The following REC114 variants were observed in gnomAD, a reference collection of about 807,000 sequenced individuals.
REC114 encodes the protein REC114 meiotic recombination protein, also known as meiotic recombination protein REC114.
In REC114, 27 loss-of-function variants were observed where a neutral mutation model predicts 31.3. That is an observed-to-expected ratio of 0.86 (90% CI 0.64 to 1.19). The LOEUF (loss-of-function observed/expected upper bound fraction) is 1.19. Ranked by LOEUF, REC114 falls within the 50% of genes most tolerant of loss-of-function variation. The pLI is 0.00. For missense variants in REC114, 344 were observed against 326.9 expected (o/e 1.05, Z -0.40); for synonymous variants, 134 against 127.7 (o/e 1.05, Z -0.33).
chr15:73,526,653 C>T (rs1894012618), intron 2 of REC114, among the ~76,000 whole-genome samples: 2 of 152,136 alleles, frequency 1.3e-5, no homozygotes, highest in South Asian at 4.1e-4. Flanking sequence ...CATGAAATAG[C>T]TTCTTCAATA....
chr15:73,557,682 G>GGT (rs779225968), intron 5 of REC114, among the ~76,000 whole-genome samples: 9 of 152,162 alleles, frequency 5.9e-5, no homozygotes, highest in Non-Finnish European at 1.3e-4. Context: ...AGCAAGGCAG[G>GGT]GTGTGATGTC....
intron 1 of REC114, among the ~76,000 whole-genome samples, chr15:73,446,293 A>G (rs567562508): frequency 1.3e-5 from 2 of 152,282 alleles, no homozygotes; most frequent in South Asian, 4.1e-4. Flanking sequence ...ACACATGCAT[A>G]CATGTTTGTG....
At chr15:73,530,220 G>C (rs1190648914) in intron 2 of REC114, among the ~76,000 whole-genome samples, 1 of 152,148 alleles carries the variant, frequency 6.6e-6, no homozygotes, top group Non-Finnish European at 1.5e-5. Flanking sequence ...GTATGTTTCT[G>C]AATATTGCAG....
intron 2 of REC114, among the ~76,000 whole-genome samples, chr15:73,538,455 C>CTTTT (rs34642401): frequency 2.9e-4 from 36 of 124,074 alleles, no homozygotes; most frequent in Non-Finnish European, 4.1e-4. Flanking sequence ...AATTCTATTT[C>CTTTT]TTTTTTTTTT....
intron 2 of REC114, among the ~76,000 whole-genome samples, chr15:73,485,304 G>A (rs974324084): frequency 6.6e-6 from 1 of 152,020 alleles, no homozygotes; most frequent in African/African-American, 2.4e-5. Context: ...GGATGGTCTC[G>A]ATCTCTTGAC....
chr15:73,463,157 T>C (rs559385766), intron 1 of REC114, among the ~76,000 whole-genome samples: 15 of 152,138 alleles, frequency 9.9e-5, no homozygotes, highest in Non-Finnish European at 1.8e-4. Flanking sequence ...GGCCAAAAAT[T>C]GTGATTGATT....
intron 2 of REC114, among the ~76,000 whole-genome samples, chr15:73,494,376 C>T (rs911201559): frequency 6.6e-6 from 1 of 151,646 alleles, no homozygotes; most frequent in Admixed American, 6.6e-5. Context: ...CCTGTAGTCC[C>T]AGCTACTTGG....
At chr15:73,493,893 G>A (rs1031465484) in intron 2 of REC114, among the ~76,000 whole-genome samples, 2 of 152,094 alleles carry the variant, frequency 1.3e-5, no homozygotes, top group Non-Finnish European at 2.9e-5. Context: ...ACATTCTAGG[G>A]CACAGTTATT....
At chr15:73,537,232 AG>A (rs1275535893) in intron 2 of REC114, among the ~76,000 whole-genome samples, 1 of 152,206 alleles carries the variant, frequency 6.6e-6, no homozygotes, top group Non-Finnish European at 1.5e-5. Context: ...TGGAATGTTG[AG>A]GGAAAGTACA....
intron 2 of REC114, among the ~76,000 whole-genome samples, chr15:73,514,119 G>C (rs990202581): frequency 2.0e-5 from 3 of 152,142 alleles, no homozygotes; most frequent in African/African-American, 4.8e-5. Context: ...AGGACCCTCC[G>C]AGCCAGGTGT....
chr15:73,487,870 A>AT (rs111728070), intron 2 of REC114, among the ~76,000 whole-genome samples: 14 of 151,180 alleles, frequency 9.3e-5, no homozygotes, highest in South Asian at 6.3e-4. Flanking sequence ...ACCATGTGGT[A>AT]TTTTTTTTTG....
At chr15:73,523,032 G>C (rs965207441) in intron 2 of REC114, among the ~76,000 whole-genome samples, 1 of 152,034 alleles carries the variant, frequency 6.6e-6, no homozygotes, top group Non-Finnish European at 1.5e-5. Context: ...ATTATGTTGA[G>C]TATCTTTTAA....
chr15:73,545,198 C>T (rs1566948987), intron 3 of REC114, among the ~76,000 whole-genome samples: 1 of 152,154 alleles, frequency 6.6e-6, no homozygotes. Flanking sequence ...TGAAGGAGGG[C>T]AGGTGCAACT....
At chr15:73,534,031 C>T (rs1158443659) in intron 2 of REC114, among the ~76,000 whole-genome samples, 1 of 126,320 alleles carries the variant, frequency 7.9e-6, no homozygotes, top group Non-Finnish European at 1.7e-5. Flanking sequence ...GGGACGCATT[C>T]AAAGCAGTGT....
chr15:73,446,013 G>A (rs2151249229), intron 1 of REC114, among the ~76,000 whole-genome samples: 1 of 152,302 alleles, frequency 6.6e-6, no homozygotes, highest in South Asian at 2.1e-4. Context: ...TCTGTGAAGT[G>A]CAATAAAGCA....
At chr15:73,538,894 T>C (rs1380205239) in intron 2 of REC114, among the ~76,000 whole-genome samples, 4 of 151,268 alleles carry the variant, frequency 2.6e-5, no homozygotes, top group East Asian at 3.9e-4. Context: ...TCCAATCTTA[T>C]GTTTAAAAAA....
At chr15:73,485,896 T>A (rs1387665442) in intron 2 of REC114, among the ~76,000 whole-genome samples, 1 of 152,230 alleles carries the variant, frequency 6.6e-6, no homozygotes, top group Admixed American at 6.5e-5. Context: ...AAAACCACTG[T>A]GATCAATTTA....
rs759379156 is a variant in REC114, at chr15:73,556,353, G to A, written c.598G>A (p.Ala200Thr). 2.9e-5 allele frequency: 46 copies of A among 1,613,630 alleles called. No homozygotes were observed. The highest frequency in any genetic ancestry group is 1.1e-4 in the South Asian group (10 of 91,066). The part of the protein sequence containing the change: ...QQVCVTAGTG[A>T]PDGRTSLTQL... The stretch of plus-strand genomic sequence containing the variant: ...AGTGTGTGTAACAGCGGGCACAGGC[G>A]CTCCAGACGGAAGGACCTCACTGAC... The change falls in exon 5 of 6, where the codon GCT becomes ACT. Residue 200 changes from alanine (A) to threonine (T), a missense_variant. By Grantham distance (58) the Ala-to-Thr change is moderately conservative. Transcript: ENST00000331090.
chr15:73,543,201 G>C (rs1894263306), intron 3 of REC114, among the ~76,000 whole-genome samples: 2 of 151,996 alleles, frequency 1.3e-5, no homozygotes, highest in South Asian at 4.1e-4. Context: ...CTTTTGCCTA[G>C]TTTTTCTCTT....
Sources: gnomAD v4.1 joint callset for allele counts (sites outside exome capture counted in the v4.1 genomes callset) on GRCh38, gnomAD v4.1.1 for gene constraint, MANE v1.5 for transcripts, NCBI Gene and HGNC (gene_info 2026-07-23, HGNC 2026-07-21) for gene names.